CNGB3: variants seen among roughly 807,000 people sequenced by gnomAD.
The protein encoded by CNGB3 is cyclic nucleotide gated channel subunit beta 3.
Under a neutral mutation model 92.8 loss-of-function variants are expected in CNGB3, and 86 were observed. The ratio of observed to expected loss-of-function variants is 0.93; its 90% CI spans 0.78 to 1.11. CNGB3 has a LOEUF of 1.11. CNGB3 is among the 50% of genes least tolerant of loss of function. The pLI is 0.00. For synonymous variants in CNGB3, 333 were observed against 332.7 expected, an observed-to-expected ratio of 1.00 and a Z score of -0.01; for missense variants, 1,026 against 956.8, an observed-to-expected ratio of 1.07 and a Z score of -0.95.
At chr8:86,601,142 A>G (rs1822289495) in intron 15 of CNGB3, among the ~76,000 whole-genome samples, 1 of 152,188 alleles carries the variant, frequency 6.6e-6, no homozygotes, top group East Asian at 1.9e-4. Context: ...GGATATTCCG[A>G]AGAGAGATGA....
intron 12 of CNGB3, among the ~76,000 whole-genome samples, chr8:86,627,801 T>C (rs1204415828): frequency 6.6e-6 from 1 of 152,226 alleles, no homozygotes; most frequent in Non-Finnish European, 1.5e-5. Flanking sequence ...TGCTGCTTTC[T>C]ATTAGTACAG....
In CNGB3 at chr8:86,575,851, C is replaced by T. The variant is rs753083465; in HGVS notation, c.2383G>A (p.Gly795Arg). The change falls in exon 18 of 18, where the codon GGA becomes AGA. Residue 795 changes from glycine (G) to arginine (R), a missense_variant. By Grantham distance (125) the Gly-to-Arg change is moderately radical (BLOSUM62 -2). Coordinates refer to ENST00000320005, the MANE Select transcript of CNGB3 (RefSeq NM_019098.5). ...ACTTCAATAGTAAGAACCTCTTCTC[C>T]GCCCTCAGCAGAAGGAGCCATGCTG... ...IISMAPSAEG[G>R]EEVLTIEVKE... The T allele has an allele frequency of 2.5e-5, 41 of 1,613,218 alleles. No individual in the cohort carries two copies. The highest frequency in any genetic ancestry group is 5.5e-5 in the South Asian group (5 of 90,836).
At chr8:86,674,179 G>C (rs891998343) in intron 3 of CNGB3, among the ~76,000 whole-genome samples, 1 of 152,148 alleles carries the variant, frequency 6.6e-6, no homozygotes, top group Non-Finnish European at 1.5e-5. Flanking sequence ...TATTCAAACT[G>C]TCAAACTCTC....
At chr8:86,711,835 C>A (rs11774151) in intron 3 of CNGB3, among the ~76,000 whole-genome samples, 8,250 of 123,606 alleles carry the variant, frequency 0.067, 248 homozygotes, top group African/African-American at 0.083. Flanking sequence ...CTCTCTCTCT[C>A]TATATATATA....
intron 10 of CNGB3, among the ~76,000 whole-genome samples, chr8:86,640,643 G>A (rs949911398): frequency 5.3e-5 from 8 of 151,966 alleles, no homozygotes; most frequent in Non-Finnish European, 1.0e-4. Context: ...TAGAATTGAG[G>A]TGTTGCGTGA....
intron 15 of CNGB3, among the ~76,000 whole-genome samples, chr8:86,596,675 C>T (rs1307116336): frequency 2.0e-5 from 3 of 152,200 alleles, no homozygotes; most frequent in African/African-American, 7.2e-5. Context: ...CCCTTGGTGC[C>T]TGTGTAAAGT....
chr8:86,666,891 G>T, intron 6 of CNGB3, 34 bp downstream of exon 6: 1 of 1,528,386 alleles, frequency 6.5e-7, no homozygotes, highest in Non-Finnish European at 9.1e-7. Flanking sequence ...TGTTATTCAC[G>T]TTTCAGTTTC....
intron 2 of CNGB3, among the ~76,000 whole-genome samples, chr8:86,730,166 C>T (rs903362099): frequency 1.3e-5 from 2 of 152,090 alleles, no homozygotes; most frequent in Non-Finnish European, 2.9e-5. Context: ...CTCCTTGGCC[C>T]CTTGTAGCAG....
chr8:86,714,910 G>A (rs1266760123), intron 3 of CNGB3, among the ~76,000 whole-genome samples: 2 of 151,966 alleles, frequency 1.3e-5, no homozygotes, highest in Non-Finnish European at 2.9e-5. Flanking sequence ...CTCAGCAGAG[G>A]CAGCCATAAT....
At position 86,645,243 on chromosome 8, in the gene CNGB3, C is replaced by A. The variant is rs180891919; in HGVS notation, c.991-557G>T. 2.3e-3 allele frequency among the ~76,000 whole-genome samples: 354 copies of A among 151,354 alleles called. 1 individual carries two copies. Among genetic ancestry groups the A allele is most frequent in the Non-Finnish European group, 3.1e-3 (209 of 67,388 alleles). On this transcript the variant is annotated intron_variant, in intron 8 of 17. Coordinates refer to ENST00000320005, the MANE Select transcript of CNGB3 (RefSeq NM_019098.5). ...TGTGCATCTGATACAAGCAGAGTTA[C>A]TATTTCCCTCAAGGTTTTTTCTTGC...
At chr8:86,700,109 C>T (rs1023625224) in intron 3 of CNGB3, among the ~76,000 whole-genome samples, 1 of 151,760 alleles carries the variant, frequency 6.6e-6, no homozygotes, top group African/African-American at 2.4e-5. Flanking sequence ...GAGACCTAAG[C>T]ATTTCCAAAA....
At chr8:86,705,249 G>A (rs1647512754) in intron 3 of CNGB3, among the ~76,000 whole-genome samples, 1 of 152,122 alleles carries the variant, frequency 6.6e-6, no homozygotes, top group African/African-American at 2.4e-5. Context: ...TAAGGTCTTG[G>A]AAGTTTTCAT....
intron 7 of CNGB3, among the ~76,000 whole-genome samples, chr8:86,649,458 C>T (rs1044384344): frequency 1.3e-5 from 2 of 151,412 alleles, no homozygotes; most frequent in Admixed American, 6.6e-5. Context: ...AGTACATAGA[C>T]CAAAGGAACA....
chr8:86,644,737 A>G (rs1823265587), intron 8 of CNGB3, 51 bp from the exon 9 acceptor site: 1 of 1,177,106 alleles, frequency 8.5e-7, no homozygotes, highest in Non-Finnish European at 1.1e-6. Flanking sequence ...TTAAATATAT[A>G]TATTTAAATA....
intron 3 of CNGB3, among the ~76,000 whole-genome samples, chr8:86,702,964 T>C (rs995443745): frequency 6.6e-6 from 1 of 152,104 alleles, no homozygotes; most frequent in African/African-American, 2.4e-5. Context: ...TTGATGAAGA[T>C]TTTTATATAA....
intron 3 of CNGB3, among the ~76,000 whole-genome samples, chr8:86,720,462 C>G (rs1824945485): frequency 6.6e-6 from 1 of 151,844 alleles, no homozygotes; most frequent in Admixed American, 6.6e-5. Context: ...CCACCTCACT[C>G]CTGCAATAAT....
intron 6 of CNGB3, chr8:86,659,501 G>T (rs1823588608): frequency 1.6e-6 from 1 of 609,326 alleles, no homozygotes; most frequent in South Asian, 1.8e-5. Context: ...TGTGGCTTCA[G>T]ATCCTCATAT....
At chr8:86,651,481 C>T (rs1219235990) in intron 7 of CNGB3, among the ~76,000 whole-genome samples, 1 of 151,812 alleles carries the variant, frequency 6.6e-6, no homozygotes, top group Non-Finnish European at 1.5e-5. Context: ...AGGTATCGAT[C>T]TTTGTAACAA....
chr8:86,717,490 G>C lies in CNGB3; in HGVS notation c.338+9041C>G, dbSNP rs188977340. Among the ~76,000 whole-genome samples the C allele has an allele frequency of 9.6e-4, 145 of 151,422 alleles. 2 individuals are homozygous for C. In the South Asian group the frequency reaches 0.018, roughly 18 times the overall value. The stretch of plus-strand genomic sequence containing the variant: ...AGGCTGGAGAATTTTTTGAACCCAG[G>C]GGGTGGAGGTTGCCATGAGCCAAGA... On this transcript the variant is annotated intron_variant, in intron 3 of 17. Coordinates refer to ENST00000320005, the MANE Select transcript of CNGB3 (RefSeq NM_019098.5).
Sources: gnomAD v4.1 joint callset for allele counts (sites outside exome capture counted in the v4.1 genomes callset) on GRCh38, gnomAD v4.1.1 for gene constraint, MANE v1.5 for transcripts, NCBI Gene and HGNC (gene_info 2026-07-23, HGNC 2026-07-21) for gene names.